Variants in HTR3D observed in about 807,000 individuals in gnomAD.
The protein encoded by HTR3D is 5-hydroxytryptamine (serotonin) receptor 3 family member D.
A neutral mutation model predicts 45.8 loss-of-function variants in HTR3D; 47 were observed. That is an observed-to-expected ratio of 1.03 (90% CI 0.81 to 1.31). The LOEUF is 1.31. Among genes scored for constraint, HTR3D ranks in the 50% most tolerant of loss-of-function variants. The pLI is 0.00. For missense variants in HTR3D, 448 were observed against 506.9 expected (o/e 0.88, Z 1.12); for synonymous variants, 203 against 199.8 (o/e 1.02, Z -0.13).
intron 1 of HTR3D, among the ~76,000 whole-genome samples, chr3:184,033,284 G>C (rs560329998): frequency 6.6e-6 from 1 of 151,968 alleles, no homozygotes; most frequent in Non-Finnish European, 1.5e-5. Flanking sequence ...TGTATTTTTA[G>C]TAGAGACAGG....
chr3:184,032,760 C>T (rs1243447822), intron 1 of HTR3D: 1 of 1,134,850 alleles, frequency 8.8e-7, no homozygotes, highest in Non-Finnish European at 1.3e-6. Flanking sequence ...TGCCTACCAG[C>T]TCAGCCTACT....
At chr3:184,032,839 A>T in intron 1 of HTR3D, 1 of 1,551,430 alleles carries the variant, frequency 6.4e-7, no homozygotes, top group Non-Finnish European at 8.7e-7. Flanking sequence ...CCATGCAGAA[A>T]CACTCTCCAG....
chr3:184,036,550 G>A lies in HTR3D; in HGVS notation c.367+6G>A. ...CCTTTCACCTACACAGGTAAGTGGG[G>A]CTCACTAAAGTAGACTGTTGAGAGG... On this transcript the variant is annotated splice_donor_region_variant and intron_variant, in intron 4 of 7. Transcript: ENST00000428798. 3.1e-6 allele frequency: 5 copies of A among 1,614,134 alleles called. No individual in the cohort carries two copies. Among genetic ancestry groups the A allele is most frequent in the Middle Eastern group, 3.3e-4 (2 of 6,050 alleles).
rs1374753560 is a variant in HTR3D at position 184,038,916 on chromosome 3, C to T, written c.1156C>T (p.Leu386Phe). Residue 386 changes from leucine (L) to phenylalanine (F), a missense_variant, in exon 8 of 8, where the codon CTC (leucine) becomes TTC (phenylalanine). By Grantham distance (22) the Leu-to-Phe change is conservative. Transcript: ENST00000428798. The surrounding 1 kb of genome is among the most constrained non-coding windows in gnomAD (Gnocchi z 4.5). ...CGCGATGGACGCCCTGCTCTTCCGC[C>T]TCTACCTGCTCTTCATGGCCTCCTC... is the stretch of plus-strand genomic sequence containing the variant. Reference protein sequence around the residue: ...SHAMDALLFRLYLLFMASSII... With the variant: ...SHAMDALLFRFYLLFMASSII... The T allele has an allele frequency of 1.9e-6, 3 of 1,614,214 alleles. No homozygotes were observed. Among genetic ancestry groups the T allele is most frequent in the Middle Eastern group, 1.6e-4 (1 of 6,062 alleles).
Position 184,035,207 on chromosome 3 carries a change from C to T in HTR3D, c.96C>T (p.Phe32=), listed in dbSNP as rs1221041458. Residue 32 remains phenylalanine (F), a synonymous_variant, in exon 2 of 8, where the codon TTC becomes TTT. Transcript: ENST00000428798. ...CACACCTTCAACTGGTGACATCGTTCCTGTGGCTAAATATGGTATGACAGA... is the reference window on the plus strand; with the variant it reads ...CACACCTTCAACTGGTGACATCGTTTCTGTGGCTAAATATGGTATGACAGA... ...QDSHLQLVTS[F]LWLNMWNPDE... 1 of 1,552,228 alleles carries T rather than the reference C, an allele frequency of 6.4e-7. No individual in the cohort carries two copies. Among genetic ancestry groups the T allele is most frequent in the Non-Finnish European group, 8.7e-7 (1 of 1,147,102 alleles).
At chr3:184,032,858 G>A (rs1336542747) in intron 1 of HTR3D, 4 of 1,551,860 alleles carry the variant, frequency 2.6e-6, no homozygotes, top group Admixed American at 2.0e-5. Flanking sequence ...AGGCCCCCCA[G>A]CCCTGGCCCT....
intron 5 of HTR3D, among the ~76,000 whole-genome samples, chr3:184,037,561 A>C (rs1176056820): frequency 6.6e-6 from 1 of 152,198 alleles, no homozygotes; most frequent in Non-Finnish European, 1.5e-5. Context: ...GTTAGGAAAC[A>C]CTGCCTTAGG....
upstream of HTR3D, chr3:184,031,709 T>C (rs190313934): frequency 1.6e-4 from 236 of 1,490,252 alleles, 1 homozygote; most frequent in African/African-American, 3.0e-3. Context: ...AACATCATCA[T>C]CAAGTACCCA....
rs1429788478 is a variant in HTR3D, at chr3:184,038,460, C to T, written c.821C>T (p.Thr274Ile). The T allele has an allele frequency of 1.2e-6, 2 of 1,614,122 alleles. No homozygotes were observed. The highest frequency in any genetic ancestry group is 1.3e-5 in the African/African-American group (1 of 75,034). The change falls in exon 7 of 8, where the codon ACC becomes ATC. Residue 274 changes from threonine (T) to isoleucine (I), a missense_variant. By Grantham distance (89) the Thr-to-Ile change is moderately conservative (BLOSUM62 -1). Coordinates refer to ENST00000428798, the MANE Select transcript of HTR3D (RefSeq NM_001145143.1). The surrounding 1 kb of genome is among the most constrained non-coding windows in gnomAD (Gnocchi z 4.5). ...LSLMVGSLLE[T>I]IFITHLLHVA... ...CTGATGGTGGGCAGCCTGCTGGAGACCATCTTCATCACCCACCTGCTGCAC... is the reference window on the plus strand; with the variant it reads ...CTGATGGTGGGCAGCCTGCTGGAGATCATCTTCATCACCCACCTGCTGCAC...
intron 2 of HTR3D, 40 bp downstream of exon 2, chr3:184,035,262 C>T: frequency 7.9e-6 from 12 of 1,527,350 alleles, no homozygotes; most frequent in Non-Finnish European, 1.1e-5. Context: ...TACTCTGGTG[C>T]CTCTCTTTTT....
chr3:184,031,605 C>T, upstream of HTR3D: 2 of 628,690 alleles, frequency 3.2e-6, no homozygotes, highest in South Asian at 1.9e-5. Flanking sequence ...CTTTTGTCAC[C>T]AAGGGGTCTT....
intron 1 of HTR3D, among the ~76,000 whole-genome samples, chr3:184,032,323 G>A (rs1722773178): frequency 6.6e-6 from 1 of 152,156 alleles, no homozygotes; most frequent in Non-Finnish European, 1.5e-5. Context: ...TCCTAGTGAT[G>A]AAGACTACTA....
chr3:184,035,603 G>A (rs1722862879), intron 2 of HTR3D, among the ~76,000 whole-genome samples: 1 of 152,058 alleles, frequency 6.6e-6, no homozygotes, highest in Non-Finnish European at 1.5e-5. Flanking sequence ...GAAAGGGAAG[G>A]TGCAGAAGAC....
chr3:184,031,715 A>T (rs1389324649), upstream of HTR3D: 1 of 1,520,700 alleles, frequency 6.6e-7, no homozygotes, highest in Non-Finnish European at 8.9e-7. Flanking sequence ...ATCATCAAGT[A>T]CCCAGAGAAG....
rs1427256314 is a variant in HTR3D, at chr3:184,038,830, C to T, written c.1070C>T (p.Ala357Val). ...ACAGGGGGCTCAGAATGGACAAGGG[C>T]CCAGCGGGAACACGAGGCCCAGAAG... ...ELTGGSEWTR[A>V]QREHEAQKQH... Residue 357 changes from alanine to valine, a missense_variant, in exon 8 of 8, where the codon GCC (alanine) becomes GTC (valine). Ala to Val is a moderately conservative substitution (Grantham distance 64, BLOSUM62 0). Coordinates refer to ENST00000428798, the MANE Select transcript of HTR3D (RefSeq NM_001145143.1). This position sits in a 1 kb window ranked among gnomAD's most constrained non-coding sequence, Gnocchi z 4.5. 3.1e-6 allele frequency: 5 copies of T among 1,613,986 alleles called. No individual in the cohort carries two copies. The African/African-American group carries it at 4.0e-5, about 13-fold the overall frequency.
Position 184,033,045 on chromosome 3 carries a change from C to T in HTR3D, c.66+1238C>T, listed in dbSNP as rs181531193. ...CATGTCAACATCTCCTTCACCTTGT[C>T]TGCCATCTGGAAGTTGTAAGTCCTC... On this transcript the variant is annotated intron_variant, in intron 1 of 7. Transcript: ENST00000428798. The T allele has an allele frequency of 3.2e-6, 5 of 1,551,618 alleles. No individual in the cohort carries two copies. In the Admixed American group the frequency reaches 9.8e-5, roughly 30 times the overall value.
chr3:184,035,135 GC>G, intron 1 of HTR3D, 42 bp from the exon 2 acceptor site: 1 of 1,551,686 alleles, frequency 6.4e-7, no homozygotes, highest in Non-Finnish European at 8.7e-7. Context: ...CATGGGACCT[GC>G]CTTCCTGGAG....
Position 184,038,228 on chromosome 3 carries a change from C to T in HTR3D, c.724C>T (p.His242Tyr), listed in dbSNP as rs1489414754. ...DLLPATSTSS[H>Y]ASLVRPHPSR... is the part of the protein sequence containing the mutation. ...GCTCCCAGCCACTAGCACTTCATCA[C>T]ATGCTTCACTAGTACGTCCTCATCC... Residue 242 changes from histidine to tyrosine, a missense_variant, in exon 6 of 8, where the codon CAT becomes TAT. His to Tyr is a moderately conservative substitution (Grantham distance 83, BLOSUM62 2). Coordinates refer to ENST00000428798, the MANE Select transcript of HTR3D (RefSeq NM_001145143.1). This position sits in a 1 kb window ranked among gnomAD's most constrained non-coding sequence, Gnocchi z 4.5. 1.2e-6 allele frequency: 2 copies of T among 1,614,124 alleles called. No homozygotes were observed. Among genetic ancestry groups the T allele is most frequent in the Admixed American group, 3.3e-5 (2 of 60,008 alleles).
At chr3:184,036,229 C>T (rs1452469703) in intron 3 of HTR3D, 129 bp downstream of exon 3, 2 of 1,484,240 alleles carry the variant, frequency 1.3e-6, no homozygotes, top group Non-Finnish European at 9.0e-7. Context: ...TTACAAACCC[C>T]CAGAATATGA....
Sources: gnomAD v4.1 joint callset for allele counts (sites outside exome capture counted in the v4.1 genomes callset) on GRCh38, gnomAD v4.1.1 for gene constraint, Gnocchi (gnomAD v3.1) non-coding constraint, MANE v1.5 for transcripts, NCBI Gene and HGNC (gene_info 2026-07-23, HGNC 2026-07-21) for gene names.